Variants in FOXM1 observed in about 807,000 individuals in gnomAD.
The protein encoded by FOXM1 is forkhead box M1.
In FOXM1, 25 loss-of-function variants were observed where a neutral mutation model predicts 63.6. That is an observed-to-expected ratio of 0.39 (90% confidence interval 0.29 to 0.55). FOXM1 has a LOEUF of 0.55. Among genes scored for constraint, FOXM1 ranks in the 20% least tolerant of loss-of-function variants. The probability of loss-of-function intolerance (pLI) is 0.60; values close to 1 mark genes in which losing one functional copy is unlikely to be tolerated. For synonymous variants in FOXM1, 387 were observed against 376.9 expected, an observed-to-expected ratio of 1.03 and a Z score of -0.31; for missense variants, 879 against 958.7, an observed-to-expected ratio of 0.92 and a Z score of 1.10.
Position 2,859,001 on chromosome 12 carries a change from G to A in FOXM1, c.1929C>T (p.Ser643=). The A allele has an allele frequency of 6.2e-7, 1 of 1,613,326 alleles. No individual in the cohort carries two copies. The highest frequency in any genetic ancestry group is 8.5e-7 in the Non-Finnish European group (1 of 1,179,744). The change falls in exon 9 of 9, where the codon TCC becomes TCT. Residue 643 remains serine (S), a synonymous_variant. Coordinates refer to ENST00000359843, the MANE Select transcript of FOXM1 (RefSeq NM_021953.4). The part of the protein sequence containing the change: ...GGLDFSPVQT[S]QGASDPLPDP... ...CAGGCAAGGGGTCAGAGGCACCCTGGGAGGTTTGTACTGGGCTGAAATCCA... is the reference window on the plus strand; with the variant it reads ...CAGGCAAGGGGTCAGAGGCACCCTGAGAGGTTTGTACTGGGCTGAAATCCA...
rs142965085 is a variant in FOXM1 at position 2,876,033 on chromosome 12, T to C, written c.-48+887A>G. On this transcript the variant is annotated intron_variant, in intron 1 of 8. Transcript: ENST00000359843. ...GCCTCGGCCTCCCAAAGTGCTGGGA[T>C]TACAGGCGTGAGCCACTGCGCCCGG... Among the ~76,000 whole-genome samples, 1,272 of 152,240 alleles carry C rather than the reference T, an allele frequency of 8.4e-3. 19 individuals carry two copies. Among genetic ancestry groups the C allele is most frequent in the African/African-American group, 0.028 (1,177 of 41,550 alleles).
intron 1 of FOXM1, among the ~76,000 whole-genome samples, chr12:2,875,459 G>C (rs1262109849): frequency 6.6e-6 from 1 of 152,162 alleles, no homozygotes; most frequent in Non-Finnish European, 1.5e-5. Context: ...AAGTTGTGCA[G>C]CTTGTGCACT....
intron 8 of FOXM1, among the ~76,000 whole-genome samples, chr12:2,863,068 A>G (rs941904694): frequency 3.3e-5 from 5 of 152,038 alleles, no homozygotes; most frequent in Non-Finnish European, 7.4e-5. Context: ...GACCAGTGAT[A>G]CTCAAGCAGG....
At position 2,859,078 on chromosome 12, in the gene FOXM1, G is replaced by A. The variant is rs1358763345; in HGVS notation, c.1852C>T (p.Pro618Ser). 5 of 1,608,018 alleles carry A rather than the reference G, an allele frequency of 3.1e-6. No homozygotes were observed. Among genetic ancestry groups the A allele is most frequent in the African/African-American group, 1.3e-5 (1 of 74,880 alleles). Reference sequence around the variant, plus strand: ...AGCCTCCAGGATTCAGGGGTTCTGGGGAGGACAGATTTGCTCGGGGTGGAG... The same window carrying A: ...AGCCTCCAGGATTCAGGGGTTCTGGAGAGGACAGATTTGCTCGGGGTGGAG... ...ISSTPSKSVLPRTPESWRLTP... is the reference protein window; with the variant it reads ...ISSTPSKSVLSRTPESWRLTP... The change falls in exon 9 of 9, where the codon CCC (proline) becomes TCC (serine). Residue 618 changes from proline (P) to serine (S), a missense_variant. Pro to Ser is a moderately conservative substitution (Grantham distance 74). This residue lies in a region of FOXM1 where 486 missense variants were observed against 453.5 expected (regional missense o/e 1.07). Coordinates refer to ENST00000359843, the MANE Select transcript of FOXM1 (RefSeq NM_021953.4).
At chr12:2,873,172 C>T (rs1009044516) in intron 2 of FOXM1, among the ~76,000 whole-genome samples, 2 of 148,168 alleles carry the variant, frequency 1.3e-5, no homozygotes, top group African/African-American at 5.2e-5. Flanking sequence ...CCGAGGTGGG[C>T]GAATCACCTG....
intron 4 of FOXM1, among the ~76,000 whole-genome samples, chr12:2,867,552 CT>C (rs1321230449): frequency 6.6e-6 from 1 of 151,626 alleles, no homozygotes; most frequent in Non-Finnish European, 1.5e-5. Flanking sequence ...GTCCCAGCTA[CT>C]CGGGAAGCTG....
At chr12:2,871,194 C>T (rs1261947818) in intron 3 of FOXM1, among the ~76,000 whole-genome samples, 4 of 151,596 alleles carry the variant, frequency 2.6e-5, no homozygotes, top group African/African-American at 7.3e-5. Context: ...ACCCCCTGAA[C>T]CTAAAATAAA....
chr12:2,871,962 G>A (rs925039003), intron 3 of FOXM1, 134 bp downstream of exon 3: 1 of 939,352 alleles, frequency 1.1e-6, no homozygotes, highest in Admixed American at 2.0e-5. Flanking sequence ...CAAAAGTTAT[G>A]CAGAATAGCA....
At chr12:2,866,596 A>C (rs1603500765) in intron 4 of FOXM1, 75 bp from the exon 5 acceptor site, 4 of 1,424,216 alleles carry the variant, frequency 2.8e-6, no homozygotes. Flanking sequence ...ACATGGGGAA[A>C]CCAGCCTCAG....
chr12:2,874,990 T>A lies in FOXM1; in HGVS notation c.-47-465A>T, dbSNP rs2098139723. Among the ~76,000 whole-genome samples, 1 of 135,314 alleles carries A rather than the reference T, an allele frequency of 7.4e-6. No homozygotes were observed. The highest frequency in any genetic ancestry group is 7.1e-5 in the Admixed American group (1 of 14,104). The allele number at this position is 135,314 out of a possible 152,430, so 88.8% of individuals were successfully genotyped here. A position where few individuals can be genotyped will look rare whatever the true frequency, so the allele number is the denominator to read the frequency against. ...TCCATTCAAGACAAAGGATTTTAAT[T>A]TTTTTTTTTTTTTTTTTTTTGAGAC... On this transcript the variant is annotated intron_variant, in intron 1 of 8. Transcript: ENST00000359843. The surrounding 1 kb of genome is among the most constrained non-coding windows in gnomAD (Gnocchi z 4.3).
Position 2,864,451 on chromosome 12 carries a change from C to A in FOXM1, c.1135G>T (p.Val379Leu). Residue 379 changes from valine (V) to leucine (L), a missense_variant, in exon 8 of 9, where the codon GTA (valine) becomes TTA (leucine). By Grantham distance (32) the Val-to-Leu change is conservative (BLOSUM62 1). Coordinates refer to ENST00000359843, the MANE Select transcript of FOXM1 (RefSeq NM_021953.4). This position sits in a 1 kb window ranked among gnomAD's most constrained non-coding sequence, Gnocchi z 5.1. ...TGGTTCACCGGGAACTGGATAGGTA[C>A]CAGGTATGAGCTGACCCGTGGTAGC... ...PLLPRVSSYL[V>L]PIQFPVNQSL... 6.2e-7 allele frequency: 1 copy of A among 1,614,098 alleles called. No individual in the cohort carries two copies. The highest frequency in any genetic ancestry group is 1.1e-5 in the South Asian group (1 of 91,070).
chr12:2,866,256 C>G (rs1328260035), intron 5 of FOXM1, 137 bp downstream of exon 5: 1 of 805,300 alleles, frequency 1.2e-6, no homozygotes, highest in African/African-American at 1.8e-5. Context: ...GGGTTTTGTG[C>G]AAGTCACTAA....
Position 2,859,062 on chromosome 12 carries a change from G to A in FOXM1, c.1868C>T (p.Ser623Phe), listed in dbSNP as rs2098101260. Residue 623 changes from serine to phenylalanine, a missense_variant, in exon 9 of 9, where the codon TCC becomes TTC. Around this residue, in one of 4 missense-constraint regions of FOXM1, gnomAD observed 486 missense variants for 453.5 expected, o/e 1.07. Transcript: ENST00000359843. The part of the protein sequence containing the change: ...SKSVLPRTPE[S>F]WRLTPPAKVG... Reference sequence around the variant, plus strand: ...TTTGGCTGGGGGCGTGAGCCTCCAGGATTCAGGGGTTCTGGGGAGGACAGA... The same window carrying A: ...TTTGGCTGGGGGCGTGAGCCTCCAGAATTCAGGGGTTCTGGGGAGGACAGA... The A allele has an allele frequency of 6.2e-7, 1 of 1,608,220 alleles. No individual in the cohort carries two copies. Among genetic ancestry groups the A allele is most frequent in the Non-Finnish European group, 8.5e-7 (1 of 1,177,378 alleles).
chr12:2,868,200 T>A (rs2098127016), intron 4 of FOXM1: 1 of 164,398 alleles, frequency 6.1e-6, no homozygotes, highest in Non-Finnish European at 1.3e-5. Flanking sequence ...AGATGACATC[T>A]TGGGTCATGA....
chr12:2,870,532 G>A (rs904970527), intron 3 of FOXM1, among the ~76,000 whole-genome samples: 25 of 151,444 alleles, frequency 1.7e-4, no homozygotes, highest in Admixed American at 4.0e-4. Context: ...GCGTGGTGGC[G>A]GGCGCCTATA....
At chr12:2,861,788 T>C (rs1373177127) in intron 8 of FOXM1, among the ~76,000 whole-genome samples, 1 of 152,210 alleles carries the variant, frequency 6.6e-6, no homozygotes, top group African/African-American at 2.4e-5. Flanking sequence ...AAATCTGTGG[T>C]GTAGCCACAT....
chr12:2,869,755 G>A (rs987547661), intron 3 of FOXM1, among the ~76,000 whole-genome samples: 1 of 128,292 alleles, frequency 7.8e-6, no homozygotes, highest in Non-Finnish European at 1.6e-5. Flanking sequence ...TTTTTTTTTC[G>A]TATTTTTAGT....
In FOXM1 at chr12:2,872,916, T is replaced by C. The variant is rs1350034218; in HGVS notation, c.503-669A>G. Among the ~76,000 whole-genome samples the C allele has an allele frequency of 6.6e-6, 1 of 151,842 alleles. No homozygotes were observed. Among genetic ancestry groups the C allele is most frequent in the Non-Finnish European group, 1.5e-5 (1 of 67,942 alleles). Reference sequence around the variant, plus strand: ...AAAGAAAAAAAAAATTAACTGGGAATGATGGTGCATGCCTATAGTCCCAGC... The same window carrying C: ...AAAGAAAAAAAAAATTAACTGGGAACGATGGTGCATGCCTATAGTCCCAGC... On this transcript the variant is annotated intron_variant, in intron 2 of 8. Coordinates refer to ENST00000359843, the MANE Select transcript of FOXM1 (RefSeq NM_021953.4). The surrounding 1 kb of genome is among the most constrained non-coding windows in gnomAD (Gnocchi z 4.0).
At position 2,864,921 on chromosome 12, in the gene FOXM1, T is replaced by C; in HGVS notation, c.1021-169A>G. Reference sequence around the variant, plus strand: ...GACGTAGGCGAGCAGTCTCCAAAACTGTGATGAGTGGGCAGGTGGGTGGCC... The same window carrying C: ...GACGTAGGCGAGCAGTCTCCAAAACCGTGATGAGTGGGCAGGTGGGTGGCC... On this transcript the variant is annotated intron_variant, in intron 6 of 8. Transcript: ENST00000359843. This position sits in a 1 kb window ranked among gnomAD's most constrained non-coding sequence, Gnocchi z 5.1. 1 of 684,780 alleles carries C rather than the reference T, an allele frequency of 1.5e-6. No homozygotes were observed. Among genetic ancestry groups the C allele is most frequent in the Non-Finnish European group, 2.6e-6 (1 of 389,200 alleles). The allele number at this position is 684,780 out of a possible 1,614,324, so 42.4% of individuals were successfully genotyped here. A position where few individuals can be genotyped will look rare whatever the true frequency, so the allele number is the denominator to read the frequency against.
Sources: allele counts gnomAD v4.1 joint callset (sites outside exome capture counted in the v4.1 genomes callset), GRCh38; gene constraint gnomAD v4.1.1; regional missense constraint gnomAD v4.1.1; non-coding constraint Gnocchi (gnomAD v3.1); transcripts MANE v1.5; gene names NCBI Gene and HGNC (gene_info 2026-07-23, HGNC 2026-07-21).